Variants in NCOA1 observed in about 807,000 individuals in gnomAD.
The protein encoded by NCOA1 is nuclear receptor coactivator 1.
In NCOA1, 35 loss-of-function variants were observed where a neutral mutation model predicts 150.9. The observed-to-expected ratio is 0.23, with a 90% CI of 0.18 to 0.31. The LOEUF (loss-of-function observed/expected upper bound fraction) is 0.31. NCOA1 is among the 10% of genes least tolerant of loss of function. NCOA1 has a pLI of 1.00. For synonymous variants in NCOA1, 590 were observed against 630.0 expected (o/e 0.94, Z 0.95); for missense variants, 1,491 against 1,749.3 (o/e 0.85, Z 2.63).
At chr2:24,561,986 T>A (rs1666312264) in intron 1 of NCOA1, among the ~76,000 whole-genome samples, 1 of 152,140 alleles carries the variant, frequency 6.6e-6, no homozygotes, top group South Asian at 2.1e-4. Flanking sequence ...CAGGTCAGTT[T>A]AGAGCCAAAT....
At chr2:24,762,896 T>C in intron 22 of NCOA1, 120 bp downstream of exon 22, 2 of 843,690 alleles carry the variant, frequency 2.4e-6, no homozygotes, top group Non-Finnish European at 3.9e-6. Flanking sequence ...GTCCTGGCTC[T>C]GCTCTTCTTA....
At chr2:24,724,055 A>C (rs1223324892) in intron 14 of NCOA1, among the ~76,000 whole-genome samples, 8 of 151,710 alleles carry the variant, frequency 5.3e-5, no homozygotes, top group Admixed American at 5.3e-4. Context: ...TTATTTCTTA[A>C]TATAAGGGGG....
chr2:24,697,338 C>T (rs1672953150), intron 10 of NCOA1, among the ~76,000 whole-genome samples: 1 of 152,094 alleles, frequency 6.6e-6, no homozygotes. Flanking sequence ...ATACAGAGAG[C>T]AGAATCCAAA....
At chr2:24,613,406 A>T (rs1323577817) in intron 3 of NCOA1, among the ~76,000 whole-genome samples, 1 of 152,184 alleles carries the variant, frequency 6.6e-6, no homozygotes, top group Non-Finnish European at 1.5e-5. Context: ...GGGAAGCAAG[A>T]TGAGTGGGGC....
At chr2:24,716,315 A>G (rs1674040961) in intron 14 of NCOA1, among the ~76,000 whole-genome samples, 1 of 152,022 alleles carries the variant, frequency 6.6e-6, no homozygotes, top group African/African-American at 2.4e-5. Flanking sequence ...TCTATAAAGC[A>G]CCAGTCATCA....
chr2:24,528,354 T>G (rs985060377), intron 1 of NCOA1, among the ~76,000 whole-genome samples: 8 of 150,700 alleles, frequency 5.3e-5, no homozygotes, highest in Admixed American at 1.3e-4. Flanking sequence ...CTTTTTTTTT[T>G]TTTTTTTTCT....
At chr2:24,737,407 A>G (rs1473481677) in intron 17 of NCOA1, among the ~76,000 whole-genome samples, 1 of 152,200 alleles carries the variant, frequency 6.6e-6, no homozygotes, top group East Asian at 1.9e-4. Flanking sequence ...TGCTATTTAG[A>G]ATAATTCCTT....
intron 1 of NCOA1, among the ~76,000 whole-genome samples, chr2:24,511,752 CCTT>C (rs1017400373): frequency 2.0e-5 from 3 of 151,714 alleles, no homozygotes; most frequent in African/African-American, 7.3e-5. Context: ...TGATTTTGTT[CCTT>C]CTTATGCTTT....
At chr2:24,530,896 A>G (rs1039231486) in intron 1 of NCOA1, among the ~76,000 whole-genome samples, 2 of 152,208 alleles carry the variant, frequency 1.3e-5, no homozygotes, top group Non-Finnish European at 2.9e-5. Flanking sequence ...TTTCTTATAT[A>G]TCAGACTTCT....
In NCOA1 at chr2:24,706,918, T is replaced by C. The variant is rs1673475625; in HGVS notation, c.1448T>C (p.Leu483Pro). ...CCTATGGAAGGTACAGGAATATCCC[T>C]AGCACAGTTCATGTCTCCAAGGAGA... The part of the protein sequence containing the change: ...NSPMEGTGIS[L>P]AQFMSPRRQV... The change falls in exon 13 of 23, where the codon CTA becomes CCA. Residue 483 changes from leucine (L) to proline (P), a missense_variant. This residue lies in a region of NCOA1 where 703 missense variants were observed against 717.7 expected (regional missense o/e 0.98). Coordinates refer to ENST00000348332, the MANE Select transcript of NCOA1 (RefSeq NM_003743.5). The C allele has an allele frequency of 6.2e-7, 1 of 1,614,202 alleles. No individual in the cohort carries two copies. The highest frequency in any genetic ancestry group is 2.2e-5 in the East Asian group (1 of 44,888).
At chr2:24,676,108 G>C (rs1671899685) in intron 7 of NCOA1, among the ~76,000 whole-genome samples, 1 of 152,144 alleles carries the variant, frequency 6.6e-6, no homozygotes, top group African/African-American at 2.4e-5. Context: ...TGTGGCAGTG[G>C]GGTCACCTCA....
chr2:24,660,887 C>CTGGCCAA (rs1224578534), intron 5 of NCOA1, among the ~76,000 whole-genome samples: 10 of 151,292 alleles, frequency 6.6e-5, no homozygotes, highest in Non-Finnish European at 1.3e-4. Context: ...TAGTGAAAAC[C>CTGGCCAA]CATCTCTATT....
At chr2:24,618,324 A>G (rs989305882) in intron 3 of NCOA1, among the ~76,000 whole-genome samples, 1 of 152,182 alleles carries the variant, frequency 6.6e-6, no homozygotes, top group Non-Finnish European at 1.5e-5. Flanking sequence ...CTCAGCTGCC[A>G]AGCTCCCTTC....
At chr2:24,762,547 C>A in intron 21 of NCOA1, 140 bp from the exon 22 acceptor site, 1 of 724,118 alleles carries the variant, frequency 1.4e-6, no homozygotes, top group Non-Finnish European at 2.4e-6. Flanking sequence ...TGACTTGTAA[C>A]AACACAGTTA....
chr2:24,623,889 C>T (rs1669286110), intron 3 of NCOA1, among the ~76,000 whole-genome samples: 1 of 152,210 alleles, frequency 6.6e-6, no homozygotes, highest in South Asian at 2.1e-4. Context: ...CTAGCCCTGT[C>T]TCCAAGTACA....
intron 4 of NCOA1, among the ~76,000 whole-genome samples, chr2:24,656,232 C>G (rs899451892): frequency 6.6e-6 from 1 of 152,112 alleles, no homozygotes; most frequent in Admixed American, 6.5e-5. Flanking sequence ...AGAGACTTTG[C>G]CCAAGGACAG....
intron 17 of NCOA1, among the ~76,000 whole-genome samples, chr2:24,737,429 AAAG>A (rs1239790530): frequency 6.6e-6 from 1 of 152,286 alleles, no homozygotes; most frequent in South Asian, 2.1e-4. Flanking sequence ...TACTTCTAAA[AAAG>A]AGCCTATTAC....
intron 16 of NCOA1, 127 bp downstream of exon 16, chr2:24,728,603 C>A: frequency 2.8e-6 from 2 of 712,690 alleles, no homozygotes; most frequent in Non-Finnish European, 4.2e-6. Context: ...TCTTGTGAAA[C>A]TTATCAAAAT....
intron 3 of NCOA1, among the ~76,000 whole-genome samples, chr2:24,585,488 C>T (rs1261048145): frequency 6.6e-6 from 1 of 151,838 alleles, no homozygotes; most frequent in East Asian, 1.9e-4. Flanking sequence ...AATGCAGACA[C>T]ATTCACAGAT....
Sources: gnomAD v4.1 joint callset for allele counts (sites outside exome capture counted in the v4.1 genomes callset) on GRCh38, gnomAD v4.1.1 for gene constraint, gnomAD v4.1.1 regional missense constraint, MANE v1.5 for transcripts, NCBI Gene and HGNC (gene_info 2026-07-23, HGNC 2026-07-21) for gene names.